Variants in CALN1 observed in about 807,000 individuals in gnomAD.
The protein encoded by CALN1 is calneuron 1.
CALN1 carries 17 observed loss-of-function variants against 30.6 expected under a neutral mutation model. The observed-to-expected ratio is 0.56, with a 90% CI of 0.38 to 0.83. The LOEUF (loss-of-function observed/expected upper bound fraction) is 0.83. Among genes scored for constraint, CALN1 ranks in the 40% least tolerant of loss-of-function variants. The probability of loss-of-function intolerance (pLI) is 0.00; values close to 1 mark genes in which losing one functional copy is unlikely to be tolerated. For synonymous variants in CALN1, 156 were observed against 131.4 expected, an observed-to-expected ratio of 1.19 and a Z score of -1.28; for missense variants, 291 against 354.9, an observed-to-expected ratio of 0.82 and a Z score of 1.45.
intron 3 of CALN1, among the ~76,000 whole-genome samples, chr7:72,237,059 A>C (rs1794518907): frequency 9.3e-6 from 1 of 107,162 alleles, no homozygotes; most frequent in African/African-American, 3.5e-5. Context: ...ATCTCAGCTC[A>C]CTGCAACCTC....
chr7:71,975,732 T>C (rs1798069982), intron 5 of CALN1, among the ~76,000 whole-genome samples: 1 of 151,668 alleles, frequency 6.6e-6, no homozygotes, highest in African/African-American at 2.4e-5. Context: ...ACCCGGCCTC[T>C]TTTTTATTTA....
chr7:72,308,482 G>C (rs374164093), intron 2 of CALN1, among the ~76,000 whole-genome samples: 1 of 151,942 alleles, frequency 6.6e-6, no homozygotes, highest in South Asian at 2.1e-4. Context: ...CCCTCCCAGT[G>C]TCAAGCCCAA....
At chr7:72,041,011 C>T (rs139807814) in intron 4 of CALN1, among the ~76,000 whole-genome samples, 1 of 152,266 alleles carries the variant, frequency 6.6e-6, no homozygotes, top group Non-Finnish European at 1.5e-5. Flanking sequence ...GCCATCTTAG[C>T]TTGAGGGTGG....
chr7:71,940,101 A>G (rs931738134), intron 5 of CALN1, among the ~76,000 whole-genome samples: 11 of 152,150 alleles, frequency 7.2e-5, no homozygotes, highest in Non-Finnish European at 1.0e-4. Context: ...AAGGGTCTCA[A>G]CTGGAAACCT....
chr7:72,136,049 G>A (rs369105720), intron 3 of CALN1, among the ~76,000 whole-genome samples: 12 of 151,988 alleles, frequency 7.9e-5, no homozygotes, highest in African/African-American at 2.7e-4. Context: ...AGGGAGAATT[G>A]CTTGAATCCA....
Position 72,098,764 on chromosome 7 carries a change from G to GCA in CALN1, c.388+7385_388+7386dup, listed in dbSNP as rs1181933030. The stretch of plus-strand genomic sequence containing the variant: ...CTGAGCAGTTCAGCCCATTTGGCGC[G>GCA]CACACACACACACACACACACACAC... On this transcript the variant is annotated intron_variant, in intron 4 of 6. Transcript: ENST00000395275. 4.7e-3 allele frequency among the ~76,000 whole-genome samples: 674 copies of GCA among 142,818 alleles called. 10 individuals are homozygous for GCA. Among genetic ancestry groups the GCA allele is most frequent in the African/African-American group, 0.016 (615 of 37,970 alleles). The allele number at this position is 142,818 out of a possible 152,430, so 93.7% of individuals were successfully genotyped here.
chr7:72,385,911 C>T (rs1229604288), intron 2 of CALN1, among the ~76,000 whole-genome samples: 2 of 152,182 alleles, frequency 1.3e-5, no homozygotes, highest in Non-Finnish European at 2.9e-5. Context: ...TTATACATTA[C>T]CCAGTCTTGG....
At chr7:72,474,218 T>C in the CALN1 span, among the ~76,000 whole-genome samples, 2 of 152,282 alleles carry the variant, frequency 1.3e-5, no homozygotes, top group Admixed American at 1.3e-4. Context: ...GGTACACTCC[T>C]CTATATTTAA....
In CALN1 at chr7:72,273,047, G is replaced by A. The variant is rs780506828; in HGVS notation, c.244+5639C>T. Among the ~76,000 whole-genome samples, 48 of 151,950 alleles carry A rather than the reference G, an allele frequency of 3.2e-4. 1 individual carries two copies. The highest frequency in any genetic ancestry group is 5.4e-4 in the Non-Finnish European group (37 of 67,992). The stretch of plus-strand genomic sequence containing the variant: ...CGCAAAGACAGCAGGAACAACCACC[G>A]AGACCCCCACCTCTGCCCAGAGCCA... On this transcript the variant is annotated intron_variant, in intron 3 of 6. Transcript: ENST00000395275.
intron 4 of CALN1, among the ~76,000 whole-genome samples, chr7:72,077,299 A>C (rs1340934293): frequency 1.3e-5 from 2 of 152,204 alleles, no homozygotes; most frequent in African/African-American, 2.4e-5. Flanking sequence ...TTTGAGACGG[A>C]GTCTCGCTCT....
the CALN1 span, among the ~76,000 whole-genome samples, chr7:72,497,920 A>G: frequency 6.6e-6 from 1 of 152,242 alleles, no homozygotes; most frequent in Non-Finnish European, 1.5e-5. Flanking sequence ...AAAGTTTTAC[A>G]GAAGAGAAAT....
At chr7:71,966,664 G>C (rs541290545) in intron 5 of CALN1, among the ~76,000 whole-genome samples, 1 of 152,252 alleles carries the variant, frequency 6.6e-6, no homozygotes, top group Admixed American at 6.5e-5. Flanking sequence ...ACAGCCTGCA[G>C]AATCAAGAGC....
chr7:72,096,039 TAAAAGATA>T (rs1460526195), intron 4 of CALN1, among the ~76,000 whole-genome samples: 1 of 122,430 alleles, frequency 8.2e-6, no homozygotes, highest in Non-Finnish European at 1.7e-5. Context: ...ACCTTGTCTC[TAAAAGATA>T]GATAGATAGA....
intron 1 of CALN1, among the ~76,000 whole-genome samples, chr7:72,418,495 G>A (rs1471314932): frequency 6.6e-6 from 1 of 152,196 alleles, no homozygotes; most frequent in Non-Finnish European, 1.5e-5. Context: ...GCTCTGCCCA[G>A]GGTGACTGTC....
chr7:72,268,941 TG>T (rs1796781442), intron 3 of CALN1, among the ~76,000 whole-genome samples: 1 of 152,118 alleles, frequency 6.6e-6, no homozygotes, highest in African/African-American at 2.4e-5. Context: ...ATGAGGCAAC[TG>T]TTTTCAGGCA....
intron 1 of CALN1, among the ~76,000 whole-genome samples, chr7:72,425,993 T>C (rs1270835216): frequency 6.6e-6 from 1 of 152,184 alleles, no homozygotes; most frequent in Non-Finnish European, 1.5e-5. Flanking sequence ...GCCAAATGCC[T>C]CAGGGCGAAG....
At chr7:72,222,160 A>T (rs938375006) in intron 3 of CALN1, among the ~76,000 whole-genome samples, 2 of 152,062 alleles carry the variant, frequency 1.3e-5, no homozygotes, top group East Asian at 1.9e-4. Context: ...TGAGAGGCAG[A>T]GATTGCAGTG....
chr7:71,912,510 T>C (rs144114441), intron 5 of CALN1, among the ~76,000 whole-genome samples: 1 of 152,324 alleles, frequency 6.6e-6, no homozygotes, highest in East Asian at 1.9e-4. Flanking sequence ...TTGTGTTTAG[T>C]ACCAGAAATG....
intron 3 of CALN1, among the ~76,000 whole-genome samples, chr7:72,194,296 G>A (rs138892540): frequency 1.7e-4 from 26 of 152,256 alleles, no homozygotes; most frequent in African/African-American, 5.3e-4. Flanking sequence ...TCGGGAGGCC[G>A]AGGCAGGTGG....
Sources: allele counts gnomAD v4.1 joint callset (sites outside exome capture counted in the v4.1 genomes callset), GRCh38; gene constraint gnomAD v4.1.1; transcripts MANE v1.5; gene names NCBI Gene and HGNC (gene_info 2026-07-23, HGNC 2026-07-21).